ATRN: variants seen among roughly 807,000 people sequenced by gnomAD.
ATRN encodes the protein attractin-2.
In ATRN, 54 loss-of-function variants were observed where a neutral mutation model predicts 178.7. The observed-to-expected ratio is 0.30, with a 90% CI of 0.24 to 0.38. ATRN has a LOEUF of 0.38. Among genes scored for constraint, ATRN ranks in the 10% least tolerant of loss-of-function variants. The probability of loss-of-function intolerance (pLI) is 1.00; values close to 1 mark genes in which losing one functional copy is unlikely to be tolerated. For missense variants in ATRN, 1,443 were observed against 1,815.1 expected (o/e 0.79, Z 3.73); for synonymous variants, 636 against 663.0 (o/e 0.96, Z 0.63).
chr20:3,516,444 C>G (rs1414562095), intron 1 of ATRN, among the ~76,000 whole-genome samples: 1 of 152,096 alleles, frequency 6.6e-6, no homozygotes. Context: ...AGAAAAAACA[C>G]TGTCATTTAA....
intron 1 of ATRN, among the ~76,000 whole-genome samples, chr20:3,491,586 G>C (rs893767460): frequency 6.6e-6 from 1 of 152,174 alleles, no homozygotes; most frequent in Non-Finnish European, 1.5e-5. Flanking sequence ...CTGAAACTCA[G>C]ATGTTCTTCT....
Position 3,549,312 on chromosome 20 carries a change from C to T in ATRN, c.1086C>T (p.Asn362=). ...IMWVVGGYMF[N]HSDYNMVLAY... ...GGGTTGTTGGAGGATATATGTTCAA[C>T]CACTCAGATTATAACATGGTTCTAG... Residue 362 remains asparagine (N), a synonymous_variant, in exon 6 of 29, where the codon AAC becomes AAT. Coordinates refer to ENST00000262919, the MANE Select transcript of ATRN (RefSeq NM_139321.3). 2 of 1,601,744 alleles carry T rather than the reference C, an allele frequency of 1.2e-6. No homozygotes were observed. Among genetic ancestry groups the T allele is most frequent in the Non-Finnish European group, 1.7e-6 (2 of 1,176,068 alleles).
At chr20:3,634,151 C>CATT (rs1487411295) in intron 25 of ATRN, among the ~76,000 whole-genome samples, 160 bp from the exon 26 acceptor site, 1 of 152,214 alleles carries the variant, frequency 6.6e-6, no homozygotes, top group Non-Finnish European at 1.5e-5. Flanking sequence ...TTGTCTCACT[C>CATT]ATTACCTCCT....
At chr20:3,578,087 T>C (rs2086235464) in intron 14 of ATRN, among the ~76,000 whole-genome samples, 1 of 152,238 alleles carries the variant, frequency 6.6e-6, no homozygotes, top group Non-Finnish European at 1.5e-5. Flanking sequence ...AAGGACCTTC[T>C]CACCTTGCTT....
At chr20:3,511,260 G>A (rs2085123153) in intron 1 of ATRN, among the ~76,000 whole-genome samples, 1 of 152,056 alleles carries the variant, frequency 6.6e-6, no homozygotes, top group Non-Finnish European at 1.5e-5. Context: ...TATAAAACAG[G>A]TACAGAAGCG....
rs1239294265 is a variant in ATRN at position 3,578,840 on chromosome 20, TTGCATG to T, written c.2544+71_2544+76del. The T allele has an allele frequency of 2.0e-5, 29 of 1,450,250 alleles. No homozygotes were observed. The African/African-American group carries it at 3.9e-4, about 20-fold the overall frequency. The allele number at this position is 1,450,250 out of a possible 1,614,324, so 89.8% of individuals were successfully genotyped here. A position where few individuals can be genotyped will look rare whatever the true frequency, so the allele number is the denominator to read the frequency against. On this transcript the variant is annotated intron_variant, in intron 15 of 28. Transcript: ENST00000262919. Reference sequence around the variant, plus strand: ...TTTCTACCAAGGGCATGACTGCAGCTTGCATGTGGAAGGCTGTGGATATGTGTGACG... The same window carrying T: ...TTTCTACCAAGGGCATGACTGCAGCTTGGAAGGCTGTGGATATGTGTGACG...
chr20:3,583,818 A>T, intron 16 of ATRN, 80 bp from the exon 17 acceptor site: 1 of 1,388,640 alleles, frequency 7.2e-7, no homozygotes. Flanking sequence ...AAAAAAAAAA[A>T]GAAAAGAAAG....
At chr20:3,484,909 AATT>A (rs11470490) in intron 1 of ATRN, among the ~76,000 whole-genome samples, 31,341 of 143,812 alleles carry the variant, frequency 0.22, 3,459 homozygotes, top group Middle Eastern at 0.34. Context: ...TGGATTTTAA[AATT>A]ATTATTATTA....
chr20:3,545,612 T>A (rs2085689186), intron 3 of ATRN, 150 bp from the exon 4 acceptor site: 1 of 864,538 alleles, frequency 1.2e-6, no homozygotes, highest in Non-Finnish European at 1.7e-6. Context: ...ACTGATAGGG[T>A]AGCACTGTGT....
intron 26 of ATRN, among the ~76,000 whole-genome samples, chr20:3,635,363 T>TAATAAATCAATA (rs2087017696): frequency 6.7e-6 from 1 of 149,158 alleles, no homozygotes; most frequent in Non-Finnish European, 1.5e-5. Context: ...CCTATTGAAA[T>TAATAAATCAATA]AATAAATAAA....
chr20:3,512,966 T>C (rs2085157143), intron 1 of ATRN, among the ~76,000 whole-genome samples: 1 of 152,174 alleles, frequency 6.6e-6, no homozygotes, highest in South Asian at 2.1e-4. Flanking sequence ...TTTGTTTTTT[T>C]CTTGTAAATT....
rs575440252 is a variant in ATRN, at chr20:3,535,906, A to C, written c.494+570A>C. 6.6e-4 allele frequency among the ~76,000 whole-genome samples: 100 copies of C among 152,264 alleles called. 1 individual carries two copies. Among genetic ancestry groups the C allele is most frequent in the South Asian group, 2.7e-3 (13 of 4,824 alleles). On this transcript the variant is annotated intron_variant, in intron 2 of 28. Coordinates refer to ENST00000262919, the MANE Select transcript of ATRN (RefSeq NM_139321.3). The stretch of plus-strand genomic sequence containing the variant: ...CAGCCTTCCAAAGTGCTGGGATTAC[A>C]GGTGTGAGCCACTGCGCCCAGCCAC...
chr20:3,638,653 A>G lies in ATRN; in HGVS notation c.3943-175A>G, dbSNP rs927981236. On this transcript the variant is annotated intron_variant, in intron 26 of 28. Coordinates refer to ENST00000262919, the MANE Select transcript of ATRN (RefSeq NM_139321.3). The surrounding 1 kb of genome is among the most constrained non-coding windows in gnomAD (Gnocchi z 4.5). ...AAAATATAAGGACAATGGTGTTATC[A>G]CATCCAACAAAATTTAGTAATCCCT... Among the ~76,000 whole-genome samples the G allele has an allele frequency of 1.3e-5, 2 of 152,234 alleles. No individual in the cohort carries two copies. Among genetic ancestry groups the G allele is most frequent in the African/African-American group, 2.4e-5 (1 of 41,468 alleles).
Position 3,547,272 on chromosome 20 carries a change from C to G in ATRN, c.738-12C>G. 1 of 1,603,902 alleles carries G rather than the reference C, an allele frequency of 6.2e-7. No individual in the cohort carries two copies. The highest frequency in any genetic ancestry group is 8.5e-7 in the Non-Finnish European group (1 of 1,170,876). On this transcript the variant is annotated splice_polypyrimidine_tract_variant and intron_variant, in intron 4 of 28. Coordinates refer to ENST00000262919, the MANE Select transcript of ATRN (RefSeq NM_139321.3). ...CGTTGTGTTAATGTAATTTTCCCTG[C>G]TATTTTTACAGTTTTGATATGTGTC...
chr20:3,482,260 A>G (rs1015929009), intron 1 of ATRN, among the ~76,000 whole-genome samples: 1 of 151,982 alleles, frequency 6.6e-6, no homozygotes, highest in South Asian at 2.1e-4. Context: ...AAGGAAAAGC[A>G]TGAGTTGTAG....
intron 1 of ATRN, among the ~76,000 whole-genome samples, chr20:3,499,703 A>C (rs2084929375): frequency 1.3e-5 from 2 of 149,040 alleles, no homozygotes; most frequent in African/African-American, 2.5e-5. Context: ...TTAAAGACTT[A>C]AACGTTAGAC....
At chr20:3,534,490 C>T (rs369646255) in intron 1 of ATRN, among the ~76,000 whole-genome samples, 1 of 151,806 alleles carries the variant, frequency 6.6e-6, no homozygotes, top group African/African-American at 2.4e-5. Flanking sequence ...AGAGAGTGAA[C>T]GATTTGTTAA....
At chr20:3,515,272 G>A (rs373374030) in intron 1 of ATRN, among the ~76,000 whole-genome samples, 1 of 148,474 alleles carries the variant, frequency 6.7e-6, no homozygotes, top group Admixed American at 6.7e-5. Flanking sequence ...TACCATTCTA[G>A]AGATGAAAAT....
intron 1 of ATRN, among the ~76,000 whole-genome samples, chr20:3,528,118 C>G (rs2085397668): frequency 1.3e-5 from 2 of 152,044 alleles, no homozygotes; most frequent in Admixed American, 1.3e-4. Flanking sequence ...CACCTGTAAT[C>G]CCAGCATTTT....
Sources: allele counts gnomAD v4.1 joint callset (sites outside exome capture counted in the v4.1 genomes callset), GRCh38; gene constraint gnomAD v4.1.1; non-coding constraint Gnocchi (gnomAD v3.1); transcripts MANE v1.5; gene names NCBI Gene and HGNC (gene_info 2026-07-23, HGNC 2026-07-21).